The following RFX3 variants were observed in gnomAD, a reference collection of about 807,000 sequenced individuals.
The protein encoded by RFX3 is regulatory factor X3.
RFX3 carries 14 observed loss-of-function variants against 98.6 expected under a neutral mutation model. That is an observed-to-expected ratio of 0.14 (90% CI 0.09 to 0.22). The LOEUF (loss-of-function observed/expected upper bound fraction) is 0.22, where lower values mean the gene tolerates loss of function less well. RFX3 is among the 10% of genes least tolerant of loss of function. The pLI is 1.00. For synonymous variants in RFX3, 383 were observed against 328.4 expected (o/e 1.17, Z -1.80); for missense variants, 639 against 926.9 (o/e 0.69, Z 4.03).
At chr9:3,478,579 G>T (rs1849471595) in intron 1 of RFX3, among the ~76,000 whole-genome samples, 1 of 152,202 alleles carries the variant, frequency 6.6e-6, no homozygotes. Flanking sequence ...TTCATGAGAA[G>T]TCATACCTTC....
intron 1 of RFX3, among the ~76,000 whole-genome samples, chr9:3,410,014 G>C (rs184813885): frequency 1.3e-5 from 2 of 152,252 alleles, no homozygotes; most frequent in Admixed American, 1.3e-4. Flanking sequence ...GACGCGCAAA[G>C]TGCTTACTAC....
chr9:3,265,427 A>T (rs1823497670), intron 12 of RFX3, among the ~76,000 whole-genome samples: 3 of 152,166 alleles, frequency 2.0e-5, no homozygotes, highest in Admixed American at 2.0e-4. Context: ...AGCTAAAATA[A>T]CTTCAATTGC....
intron 1 of RFX3, among the ~76,000 whole-genome samples, chr9:3,422,763 A>G (rs1248251353): frequency 6.6e-6 from 1 of 152,204 alleles, no homozygotes; most frequent in Non-Finnish European, 1.5e-5. Flanking sequence ...TGTACTATGT[A>G]AGATATCTGC....
At chr9:3,252,166 T>C (rs1821498917) in intron 14 of RFX3, among the ~76,000 whole-genome samples, 1 of 152,222 alleles carries the variant, frequency 6.6e-6, no homozygotes, top group Non-Finnish European at 1.5e-5. Context: ...TCATAACAAG[T>C]AGTTTCTGAT....
chr9:3,325,902 A>T lies in RFX3; in HGVS notation c.474+4357T>A, dbSNP rs540637007. On this transcript the variant is annotated intron_variant, in intron 4 of 16. Coordinates refer to ENST00000617270, the MANE Select transcript of RFX3 (RefSeq NM_001282116.2). ...AAAAGCAGAGGGAAATATTATGTTG[A>T]TATAGTTAGAAGACAGATGTATAAT... Among the ~76,000 whole-genome samples, 8 of 152,256 alleles carry T rather than the reference A, an allele frequency of 5.3e-5. No individual in the cohort carries two copies. In the South Asian group the frequency reaches 6.2e-4, roughly 12 times the overall value.
At chr9:3,248,728 T>C (rs988331458) in intron 14 of RFX3, among the ~76,000 whole-genome samples, 1 of 152,224 alleles carries the variant, frequency 6.6e-6, no homozygotes, top group African/African-American at 2.4e-5. Flanking sequence ...GCAAGTTTCC[T>C]TGGAAGGCAA....
At chr9:3,443,098 C>T (rs1845741516) in intron 1 of RFX3, among the ~76,000 whole-genome samples, 1 of 151,948 alleles carries the variant, frequency 6.6e-6, no homozygotes, top group Non-Finnish European at 1.5e-5. Context: ...GACAAATAAG[C>T]ACAAAAAAAG....
chr9:3,415,273 G>A (rs1842890802), intron 1 of RFX3, among the ~76,000 whole-genome samples: 1 of 149,006 alleles, frequency 6.7e-6, no homozygotes, highest in Non-Finnish European at 1.5e-5. Context: ...AGGGTGCAGT[G>A]GTGCAATCAT....
chr9:3,488,474 G>A (rs1286388957), intron 1 of RFX3, among the ~76,000 whole-genome samples: 2 of 152,118 alleles, frequency 1.3e-5, no homozygotes, highest in African/African-American at 2.4e-5. Flanking sequence ...GGAAAAGAAC[G>A]TCCAACTGGT....
At chr9:3,265,065 T>C (rs1823440145) in intron 12 of RFX3, among the ~76,000 whole-genome samples, 2 of 147,538 alleles carry the variant, frequency 1.4e-5, no homozygotes, top group African/African-American at 4.9e-5. Flanking sequence ...CTCTCTGCCA[T>C]GATGGACATG....
intron 1 of RFX3, among the ~76,000 whole-genome samples, chr9:3,474,393 C>A (rs1849041912): frequency 6.6e-6 from 1 of 152,152 alleles, no homozygotes; most frequent in Non-Finnish European, 1.5e-5. Context: ...GAAAAGATCC[C>A]TTGTCAAATA....
At chr9:3,296,754 C>T (rs1489690766) in intron 5 of RFX3, among the ~76,000 whole-genome samples, 1 of 151,880 alleles carries the variant, frequency 6.6e-6, no homozygotes, top group African/African-American at 2.4e-5. Flanking sequence ...AGGTAAAAGC[C>T]CTGAAAGGAT....
chr9:3,293,287 A>C (rs1827607459), intron 5 of RFX3, 29 bp from the exon 6 acceptor site: 34 of 1,535,020 alleles, frequency 2.2e-5, no homozygotes, highest in Non-Finnish European at 2.9e-5. Context: ...ATAAACACAG[A>C]CAAATCACAT....
Position 3,219,640 on chromosome 9 carries a change from C to T in RFX3, c.*5402G>A, listed in dbSNP as rs186290930. 1 of 152,226 alleles carries T rather than the reference C, an allele frequency of 6.6e-6. No homozygotes were observed. The highest frequency in any genetic ancestry group is 6.5e-5 in the Admixed American group (1 of 15,272). 9.4% of individuals were successfully genotyped at this position (152,226 alleles called of 1,614,324 possible). A position where few individuals can be genotyped will look rare whatever the true frequency, so the allele number is the denominator to read the frequency against. Reference sequence around the variant, plus strand: ...TTAAGTAAAATTGGTAAACTAAACTCAGGTCTACTGGCACATAAAATCACT... The same window carrying T: ...TTAAGTAAAATTGGTAAACTAAACTTAGGTCTACTGGCACATAAAATCACT... On this transcript the variant is annotated 3_prime_UTR_variant, in exon 17 of 17. Coordinates refer to ENST00000617270, the MANE Select transcript of RFX3 (RefSeq NM_001282116.2).
At chr9:3,377,887 G>A (rs12340515) in intron 2 of RFX3, among the ~76,000 whole-genome samples, 14 of 152,188 alleles carry the variant, frequency 9.2e-5, no homozygotes, top group African/African-American at 3.4e-4. Flanking sequence ...TTTCAGTTCG[G>A]TAGTTTCTGA....
intron 3 of RFX3, 128 bp from the exon 4 acceptor site, chr9:3,330,645 T>A (rs1832485032): frequency 1.2e-6 from 1 of 831,538 alleles, no homozygotes; most frequent in African/African-American, 1.7e-5. Context: ...GTTTCGCATT[T>A]TGTACAAAAC....
chr9:3,308,907 C>T, intron 4 of RFX3, among the ~76,000 whole-genome samples: 1 of 152,118 alleles, frequency 6.6e-6, no homozygotes, highest in Non-Finnish European at 1.5e-5. Context: ...ACTAACCAAA[C>T]TTTGAATCCT....
intron 15 of RFX3, among the ~76,000 whole-genome samples, chr9:3,234,301 G>C (rs963015265): frequency 6.6e-6 from 1 of 152,152 alleles, no homozygotes; most frequent in Non-Finnish European, 1.5e-5. Flanking sequence ...AATAGCCATA[G>C]ATAACAGGTA....
intron 1 of RFX3, among the ~76,000 whole-genome samples, chr9:3,415,036 T>A (rs1297501731): frequency 1.6e-5 from 2 of 125,932 alleles, no homozygotes; most frequent in South Asian, 2.4e-4. Flanking sequence ...ATATTTACTT[T>A]TATATATATA....
Sources: gnomAD v4.1 joint callset for allele counts (sites outside exome capture counted in the v4.1 genomes callset) on GRCh38, gnomAD v4.1.1 for gene constraint, MANE v1.5 for transcripts, NCBI Gene and HGNC (gene_info 2026-07-23, HGNC 2026-07-21) for gene names.